NEBL: variants seen among roughly 807,000 people sequenced by gnomAD.
The protein encoded by NEBL is LIM and SH3 protein 2.
NEBL carries 122 observed loss-of-function variants against 140.2 expected under a neutral mutation model. That is an observed-to-expected ratio of 0.87 (90% CI 0.75 to 1.01). NEBL has a LOEUF of 1.01. Ranked by LOEUF, NEBL falls within the 50% of genes least tolerant of loss-of-function variation. NEBL has a pLI of 0.00. For synonymous variants in NEBL, 436 were observed against 398.9 expected, an observed-to-expected ratio of 1.09 and a Z score of -1.11; for missense variants, 1,365 against 1,231.3, an observed-to-expected ratio of 1.11 and a Z score of -1.62.
intron 1 of NEBL, among the ~76,000 whole-genome samples, chr10:21,282,205 T>C (rs982776161): frequency 2.0e-5 from 3 of 152,134 alleles, no homozygotes; most frequent in African/African-American, 7.2e-5. Flanking sequence ...AATATGTAGA[T>C]TTAGGAGCCT....
chr10:21,083,518 C>T (rs1308430404), intron 2 of NEBL, among the ~76,000 whole-genome samples: 23 of 152,234 alleles, frequency 1.5e-4, no homozygotes, highest in African/African-American at 4.8e-5. Flanking sequence ...ACTGCAGTCA[C>T]TTAGCTAAGA....
chr10:20,807,196 C>T (rs1316140269), intron 26 of NEBL, among the ~76,000 whole-genome samples: 2 of 152,122 alleles, frequency 1.3e-5, no homozygotes, highest in African/African-American at 4.8e-5. Flanking sequence ...TGTGGTGGCA[C>T]ACACCTGTAG....
intron 3 of NEBL, among the ~76,000 whole-genome samples, chr10:21,000,665 T>C (rs1398743736): frequency 1.3e-5 from 2 of 152,154 alleles, no homozygotes; most frequent in African/African-American, 2.4e-5. Context: ...GAAGGTTAAA[T>C]ACTTACTGCA....
intron 1 of NEBL, among the ~76,000 whole-genome samples, chr10:21,274,195 GT>G (rs1422474336): frequency 6.6e-6 from 1 of 152,162 alleles, no homozygotes; most frequent in East Asian, 1.9e-4. Flanking sequence ...AGGAGCCCAG[GT>G]TCTCAGTCCA....
intron 2 of NEBL, among the ~76,000 whole-genome samples, chr10:21,087,955 G>A (rs1252426507): frequency 2.0e-5 from 3 of 152,146 alleles, no homozygotes; most frequent in Admixed American, 1.3e-4. Context: ...TTGCAATACC[G>A]AAAATGCCAC....
In NEBL at chr10:20,787,144, A is replaced by C. The variant is rs1835479504; in HGVS notation, c.2868+58T>G. On this transcript the variant is annotated intron_variant, in intron 27 of 27. Transcript: ENST00000377122. ...TCAACTCTATTCCACATGTATTTAC[A>C]TGCTTGAGGGGAAATGGGAAGACCA... 6 of 1,269,218 alleles carry C rather than the reference A, an allele frequency of 4.7e-6. No homozygotes were observed. In the South Asian group the frequency reaches 7.5e-5, roughly 16 times the overall value. 78.6% of individuals were successfully genotyped at this position (1,269,218 alleles called of 1,614,324 possible). A position where few individuals can be genotyped will look rare whatever the true frequency, so the allele number is the denominator to read the frequency against.
chr10:20,842,094 G>C (rs1485066365), intron 12 of NEBL, among the ~76,000 whole-genome samples: 1 of 151,918 alleles, frequency 6.6e-6, no homozygotes, highest in South Asian at 2.1e-4. Flanking sequence ...TTCCTTTATT[G>C]ATAAGAAATC....
chr10:21,195,847 T>C (rs534998707), intron 3 of NEBL, among the ~76,000 whole-genome samples: 9 of 152,310 alleles, frequency 5.9e-5, no homozygotes, highest in Admixed American at 1.3e-4. Context: ...TATTTGATAT[T>C]AATTACAAGC....
intron 4 of NEBL, among the ~76,000 whole-genome samples, chr10:20,941,297 A>G (rs1052792757): frequency 1.3e-5 from 2 of 152,236 alleles, no homozygotes; most frequent in African/African-American, 4.8e-5. Flanking sequence ...CAAATCAATA[A>G]ACGTAATCCA....
At chr10:21,021,262 C>T (rs938921170) in intron 2 of NEBL, among the ~76,000 whole-genome samples, 1 of 152,210 alleles carries the variant, frequency 6.6e-6, no homozygotes, top group Admixed American at 6.5e-5. Context: ...CCACATTTAT[C>T]GTTTAGGTGA....
chr10:20,859,974 G>C (rs751451981), intron 7 of NEBL, 148 bp from the exon 8 acceptor site: 2 of 510,346 alleles, frequency 3.9e-6, no homozygotes, highest in African/African-American at 2.0e-5. Context: ...AGCTTAATTA[G>C]GCACAAAAGT....
At chr10:20,929,844 A>G (rs1834096486) in intron 4 of NEBL, among the ~76,000 whole-genome samples, 1 of 152,190 alleles carries the variant, frequency 6.6e-6, no homozygotes, top group Non-Finnish European at 1.5e-5. Flanking sequence ...TGACAGTTAC[A>G]CTAAAAGCCC....
intron 3 of NEBL, among the ~76,000 whole-genome samples, chr10:21,240,181 G>A (rs1323408433): frequency 2.0e-5 from 3 of 152,136 alleles, no homozygotes; most frequent in African/African-American, 7.2e-5. Context: ...CTAAGTTACC[G>A]ACAAAACTCT....
At chr10:20,811,691 C>T (rs1474645083) in intron 24 of NEBL, among the ~76,000 whole-genome samples, 1 of 152,158 alleles carries the variant, frequency 6.6e-6, no homozygotes, top group East Asian at 1.9e-4. Flanking sequence ...TCAAATTTAG[C>T]TTATCTCTAA....
intron 7 of NEBL, among the ~76,000 whole-genome samples, chr10:20,864,305 A>C (rs946912201): frequency 6.6e-6 from 1 of 152,134 alleles, no homozygotes; most frequent in Non-Finnish European, 1.5e-5. Flanking sequence ...TTCGCATAGG[A>C]GATTTTTGTT....
intron 9 of NEBL, among the ~76,000 whole-genome samples, chr10:20,854,739 A>AT (rs1842887534): frequency 1.3e-5 from 2 of 151,018 alleles, no homozygotes; most frequent in Non-Finnish European, 3.0e-5. Flanking sequence ...TAATTTCTTT[A>AT]TTTTTTGTGG....
At chr10:21,278,669 G>C (rs531539468) in intron 1 of NEBL, among the ~76,000 whole-genome samples, 18 of 152,308 alleles carry the variant, frequency 1.2e-4, no homozygotes, top group Non-Finnish European at 2.5e-4. Context: ...ATTCTGCCAA[G>C]AAGAATGCAG....
intron 26 of NEBL, among the ~76,000 whole-genome samples, chr10:20,800,057 T>C (rs1588628661): frequency 6.6e-6 from 1 of 152,168 alleles, no homozygotes; most frequent in Admixed American, 6.6e-5. Flanking sequence ...GTCCACATGC[T>C]ATATGTTACA....
intron 2 of NEBL, among the ~76,000 whole-genome samples, chr10:21,151,876 A>G (rs1472316856): frequency 6.6e-6 from 1 of 152,140 alleles, no homozygotes. Flanking sequence ...TCTCTATAGA[A>G]CATATCCGTT....
Sources: allele counts gnomAD v4.1 joint callset (sites outside exome capture counted in the v4.1 genomes callset), GRCh38; gene constraint gnomAD v4.1.1; transcripts MANE v1.5; gene names NCBI Gene and HGNC (gene_info 2026-07-23, HGNC 2026-07-21).